Variants in QSER1 observed in about 807,000 individuals in gnomAD.
QSER1 encodes the protein glutamine and serine rich 1.
Under a neutral mutation model 158.5 loss-of-function variants are expected in QSER1, and 49 were observed. The ratio of observed to expected loss-of-function variants is 0.31; its 90% CI spans 0.25 to 0.39. QSER1 has a LOEUF of 0.39. Among genes scored for constraint, QSER1 ranks in the 10% least tolerant of loss-of-function variants. The probability of loss-of-function intolerance (pLI) is 1.00; values close to 1 mark genes in which losing one functional copy is unlikely to be tolerated. For synonymous variants in QSER1, 650 were observed against 715.5 expected (o/e 0.91, Z 1.46); for missense variants, 1,754 against 2,010.3 (o/e 0.87, Z 2.44).
At chr11:32,939,275 A>C (rs1852196105) in intron 4 of QSER1, among the ~76,000 whole-genome samples, 1 of 152,196 alleles carries the variant, frequency 6.6e-6, no homozygotes, top group African/African-American at 2.4e-5. Context: ...TGAAACCAAA[A>C]GTGGTGTTTC....
intron 11 of QSER1, 90 bp downstream of exon 11, chr11:32,973,639 C>A: frequency 7.9e-7 from 1 of 1,264,200 alleles, no homozygotes; most frequent in Non-Finnish European, 1.1e-6. Context: ...AAATATTTTA[C>A]TATGTTGTCA....
chr11:32,917,236 A>G (rs1487962172), intron 1 of QSER1, among the ~76,000 whole-genome samples: 1 of 152,076 alleles, frequency 6.6e-6, no homozygotes, highest in Admixed American at 6.6e-5. Flanking sequence ...TGACTACATC[A>G]CGTTTTGTTT....
At chr11:32,971,992 G>A (rs1460247499) in intron 10 of QSER1, among the ~76,000 whole-genome samples, 1 of 151,468 alleles carries the variant, frequency 6.6e-6, no homozygotes, top group Non-Finnish European at 1.5e-5. Flanking sequence ...GAACCCAGGA[G>A]GCAGAGCTTG....
chr11:32,961,514 CA>C lies in QSER1; in HGVS notation c.4969+3430del, dbSNP rs946854491. ...GCCTTTTTAACCATTTTTAAGTGTACAATTTATTAGCATTATTTACATTCAC... is the reference window on the plus strand; with the variant it reads ...GCCTTTTTAACCATTTTTAAGTGTACATTTATTAGCATTATTTACATTCAC... On this transcript the variant is annotated intron_variant, in intron 8 of 12. Transcript: ENST00000650167. Among the ~76,000 whole-genome samples the C allele has an allele frequency of 5.1e-4, 77 of 152,228 alleles. 1 individual carries two copies. The highest frequency in any genetic ancestry group is 1.8e-3 in the African/African-American group (74 of 41,542).
At chr11:32,951,826 A>G (rs1198032444) in intron 4 of QSER1, among the ~76,000 whole-genome samples, 1 of 140,080 alleles carries the variant, frequency 7.1e-6, no homozygotes, top group Admixed American at 8.0e-5. Flanking sequence ...GTTTTTTAGT[A>G]TATTCCTTGG....
chr11:32,941,296 A>G (rs1490618283), intron 4 of QSER1, among the ~76,000 whole-genome samples: 1 of 150,902 alleles, frequency 6.6e-6, no homozygotes, highest in African/African-American at 2.4e-5. Flanking sequence ...GGTTAGTTAC[A>G]TACGTATACA....
intron 8 of QSER1, among the ~76,000 whole-genome samples, chr11:32,964,377 G>T (rs534405139): frequency 2.2e-4 from 33 of 152,214 alleles, no homozygotes; most frequent in African/African-American, 7.5e-4. Flanking sequence ...ACAGTTTGTT[G>T]TCATTGCCTT....
At chr11:32,963,782 T>C (rs1590184150) in intron 8 of QSER1, among the ~76,000 whole-genome samples, 1 of 152,114 alleles carries the variant, frequency 6.6e-6, no homozygotes, top group East Asian at 1.9e-4. Flanking sequence ...CTCACCTCGG[T>C]CCCCCAAGTA....
intron 1 of QSER1, among the ~76,000 whole-genome samples, chr11:32,897,311 A>G (rs1159450598): frequency 6.6e-6 from 1 of 152,202 alleles, no homozygotes; most frequent in African/African-American, 2.4e-5. Context: ...TCTGGAGCCT[A>G]TGTGATAACC....
intron 3 of QSER1, among the ~76,000 whole-genome samples, chr11:32,929,871 T>C (rs1231311146): frequency 2.0e-5 from 3 of 152,242 alleles, no homozygotes; most frequent in Non-Finnish European, 4.4e-5. Flanking sequence ...ATCACTCTAC[T>C]GGATAGAAGG....
intron 8 of QSER1, among the ~76,000 whole-genome samples, chr11:32,961,520 A>G (rs1852624928): frequency 6.6e-6 from 1 of 152,210 alleles, no homozygotes; most frequent in African/African-American, 2.4e-5. Flanking sequence ...TGTACAATTT[A>G]TTAGCATTAT....
chr11:32,927,693 C>T (rs1039275481), intron 2 of QSER1, among the ~76,000 whole-genome samples: 15 of 152,114 alleles, frequency 9.9e-5, no homozygotes, highest in Non-Finnish European at 7.3e-5. Context: ...AGGCATGAGC[C>T]GCCACGCCCG....
In QSER1 at chr11:32,979,875, T is replaced by C. The variant is rs1311636843; in HGVS notation, c.*3401T>C. ...TCAGATGTGCAAGTTGCAAATTTTA[T>C]TGTATTTGTAGAATACAATTTTTGT... On this transcript the variant is annotated 3_prime_UTR_variant, in exon 13 of 13. Coordinates refer to ENST00000650167, the MANE Select transcript of QSER1 (RefSeq NM_001076786.3). 2 of 152,210 alleles carry C rather than the reference T, an allele frequency of 1.3e-5. No homozygotes were observed. Among genetic ancestry groups the C allele is most frequent in the Non-Finnish European group, 2.9e-5 (2 of 68,032 alleles). 9.4% of individuals were successfully genotyped at this position (152,210 alleles called of 1,614,324 possible). A position where few individuals can be genotyped will look rare whatever the true frequency, so the allele number is the denominator to read the frequency against.
chr11:32,955,182 T>C (rs1852490155), intron 5 of QSER1, 114 bp from the exon 6 acceptor site: 1 of 611,680 alleles, frequency 1.6e-6, no homozygotes. Context: ...GATAGAGAGG[T>C]GAGATAAAAG....
At chr11:32,946,396 G>A (rs1239701641) in intron 4 of QSER1, among the ~76,000 whole-genome samples, 1 of 151,164 alleles carries the variant, frequency 6.6e-6, no homozygotes, top group Non-Finnish European at 1.5e-5. Context: ...TGATGATGGT[G>A]ATGTATAGAT....
At chr11:32,927,741 A>T (rs1423228965) in intron 2 of QSER1, among the ~76,000 whole-genome samples, 8 of 152,156 alleles carry the variant, frequency 5.3e-5, no homozygotes, top group Admixed American at 4.6e-4. Context: ...ATATTTATAT[A>T]ATTAATAAAT....
intron 8 of QSER1, among the ~76,000 whole-genome samples, chr11:32,960,802 G>A (rs1373031185): frequency 6.6e-6 from 1 of 152,084 alleles, no homozygotes; most frequent in Non-Finnish European, 1.5e-5. Flanking sequence ...ACATTTTTAG[G>A]CCTTTTTGTT....
chr11:32,969,149 T>C lies in QSER1; in HGVS notation c.5205+6T>C. 6.5e-7 allele frequency: 1 copy of C among 1,532,292 alleles called. No homozygotes were observed. The highest frequency in any genetic ancestry group is 9.0e-7 in the Non-Finnish European group (1 of 1,116,008). The allele number at this position is 1,532,292 out of a possible 1,614,324, so 94.9% of individuals were successfully genotyped here. Reference sequence around the variant, plus strand: ...ATTTGGATCAATCATTCAAGGTATTTCCTTCTGATGACTTATTAGCAAAAC... The same window carrying C: ...ATTTGGATCAATCATTCAAGGTATTCCCTTCTGATGACTTATTAGCAAAAC... On this transcript the variant is annotated splice_donor_region_variant and intron_variant, in intron 10 of 12. Transcript: ENST00000650167.
intron 1 of QSER1, among the ~76,000 whole-genome samples, chr11:32,897,498 C>A (rs1426421579): frequency 1.3e-5 from 2 of 152,220 alleles, no homozygotes; most frequent in African/African-American, 4.8e-5. Context: ...TTCCATAGCA[C>A]TGTACTTGCC....
Sources: gnomAD v4.1 joint callset for allele counts (sites outside exome capture counted in the v4.1 genomes callset) on GRCh38, gnomAD v4.1.1 for gene constraint, MANE v1.5 for transcripts, NCBI Gene and HGNC (gene_info 2026-07-23, HGNC 2026-07-21) for gene names.